Variants in DPH6 observed in about 807,000 individuals in gnomAD.
DPH6 encodes diphthamine biosynthesis 6, also known as diphthine--ammonia ligase.
DPH6 carries 33 observed loss-of-function variants against 38.2 expected under a neutral mutation model. The observed-to-expected ratio is 0.86, with a 90% CI of 0.65 to 1.15. DPH6 has a LOEUF of 1.15. Among genes scored for constraint, DPH6 ranks in the 50% most tolerant of loss-of-function variants. The pLI is 0.00. For missense variants in DPH6, 325 were observed against 320.0 expected, an observed-to-expected ratio of 1.02 and a Z score of -0.12; for synonymous variants, 108 against 103.0, an observed-to-expected ratio of 1.05 and a Z score of -0.30.
At chr15:35,447,197 C>G (rs1173710886) in intron 5 of DPH6, among the ~76,000 whole-genome samples, 1 of 152,146 alleles carries the variant, frequency 6.6e-6, no homozygotes, top group Non-Finnish European at 1.5e-5. Flanking sequence ...TTTCCCTTCT[C>G]TCCAGAAAAC....
intron 5 of DPH6, among the ~76,000 whole-genome samples, chr15:35,449,463 G>A (rs1378037472): frequency 2.0e-5 from 3 of 152,052 alleles, no homozygotes; most frequent in Non-Finnish European, 4.4e-5. Context: ...TCCTAATCCA[G>A]TCTTTTATCT....
chr15:35,310,762 TA>T (rs1388041863), intron 3 of DPH6, among the ~76,000 whole-genome samples: 1 of 151,956 alleles, frequency 6.6e-6, no homozygotes, highest in Admixed American at 6.6e-5. Context: ...GTTTAGATCA[TA>T]AATTGGCCGA....
At chr15:35,227,463 G>A (rs902378830) in intron 3 of DPH6, among the ~76,000 whole-genome samples, 3 of 151,996 alleles carry the variant, frequency 2.0e-5, no homozygotes, top group Non-Finnish European at 2.9e-5. Flanking sequence ...GATTACAGGT[G>A]TGAGCCACCG....
intron 3 of DPH6, among the ~76,000 whole-genome samples, chr15:35,318,544 T>C (rs975962911): frequency 6.6e-6 from 1 of 152,152 alleles, no homozygotes; most frequent in Non-Finnish European, 1.5e-5. Flanking sequence ...GTTTCCAAAA[T>C]TGATTGTGTG....
At chr15:35,298,630 A>G in intron 3 of DPH6, 4 of 1,018,190 alleles carry the variant, frequency 3.9e-6, no homozygotes, top group Non-Finnish European at 4.7e-6. Flanking sequence ...TGATCTTGCC[A>G]CCAAGCTTGC....
downstream of DPH6, among the ~76,000 whole-genome samples, chr15:35,367,684 T>A (rs2052672807): frequency 6.6e-6 from 1 of 151,800 alleles, no homozygotes; most frequent in South Asian, 2.1e-4. Context: ...TATAAATAAT[T>A]TAAAATTTTA....
intron 4 of DPH6, among the ~76,000 whole-genome samples, chr15:35,452,777 A>G (rs1270536347): frequency 6.6e-6 from 1 of 152,216 alleles, no homozygotes; most frequent in East Asian, 1.9e-4. Flanking sequence ...TAAAGTGTTT[A>G]ATAGATGTCA....
At chr15:35,259,354 C>T (rs758749019) in intron 3 of DPH6, among the ~76,000 whole-genome samples, 1 of 152,106 alleles carries the variant, frequency 6.6e-6, no homozygotes, top group Non-Finnish European at 1.5e-5. Context: ...GATTTTGCTA[C>T]AAGTATGACT....
chr15:35,343,996 C>T (rs1013606308), intron 3 of DPH6, among the ~76,000 whole-genome samples: 1 of 152,004 alleles, frequency 6.6e-6, no homozygotes, highest in Admixed American at 6.6e-5. Context: ...TCTAGGTTTT[C>T]TCTGGATAAG....
chr15:35,271,645 G>C (rs1362223845), intron 3 of DPH6, among the ~76,000 whole-genome samples: 1 of 152,188 alleles, frequency 6.6e-6, no homozygotes, highest in Non-Finnish European at 1.5e-5. Flanking sequence ...ACTATGCAGG[G>C]CAAAGCTGAC....
At position 35,241,683 on chromosome 15, in the gene DPH6, T is replaced by C. The variant is rs906882364; in HGVS notation, n.201-21101A>G. Among the ~76,000 whole-genome samples the C allele has an allele frequency of 9.9e-5, 14 of 141,878 alleles. 2 individuals carry two copies. The highest frequency in any genetic ancestry group is 3.8e-4 in the Admixed American group (5 of 13,016). The allele number at this position is 141,878 out of a possible 152,430, so 93.1% of individuals were successfully genotyped here. On this transcript the variant is annotated intron_variant and non_coding_transcript_variant, in intron 3 of 3. Coordinates refer to the DPH6 transcript ENST00000560386. ...TTAACCCACAAGTATAAGATACCTC[T>C]ACTCCCTCCTTGTCGACCGATCATG...
At chr15:35,422,248 G>T (rs928242860) in intron 5 of DPH6, among the ~76,000 whole-genome samples, 2 of 151,766 alleles carry the variant, frequency 1.3e-5, no homozygotes, top group African/African-American at 2.4e-5. Context: ...TATCTAATTA[G>T]ATTTTGGTAT....
At chr15:35,279,950 A>T (rs2140435108) in intron 3 of DPH6, among the ~76,000 whole-genome samples, 1 of 152,218 alleles carries the variant, frequency 6.6e-6, no homozygotes, top group African/African-American at 2.4e-5. Context: ...GAAGAGAATG[A>T]GGGAGTAATC....
At chr15:35,290,715 C>T (rs2051974612) in intron 3 of DPH6, among the ~76,000 whole-genome samples, 1 of 152,170 alleles carries the variant, frequency 6.6e-6, no homozygotes, top group Admixed American at 6.5e-5. Flanking sequence ...TTCCGTCCCC[C>T]TTTCTGCCAC....
At position 35,372,073 on chromosome 15, in the gene DPH6, C is replaced by A; in HGVS notation, c.*77G>T. The A allele has an allele frequency of 1.4e-6, 2 of 1,465,650 alleles. No homozygotes were observed. Among genetic ancestry groups the A allele is most frequent in the Admixed American group, 2.9e-5 (1 of 34,396 alleles). The allele number at this position is 1,465,650 out of a possible 1,614,324, so 90.8% of individuals were successfully genotyped here. A position where few individuals can be genotyped will look rare whatever the true frequency, so the allele number is the denominator to read the frequency against. ...AGTCATGAGAAAAAAATAAACTAGT[C>A]ATAGTAACTGAGAAAATACTATGCA... On this transcript the variant is annotated 3_prime_UTR_variant, in exon 9 of 9. Coordinates refer to ENST00000256538, the MANE Select transcript of DPH6 (RefSeq NM_080650.4).
chr15:35,329,221 G>C (rs1412109661), downstream of DPH6, among the ~76,000 whole-genome samples: 1 of 152,134 alleles, frequency 6.6e-6, no homozygotes, highest in Non-Finnish European at 1.5e-5. Context: ...ATGTGTATTA[G>C]CTATTATTAA....
intron 3 of DPH6, among the ~76,000 whole-genome samples, chr15:35,528,185 C>A (rs2055033681): frequency 1.3e-5 from 2 of 152,092 alleles, no homozygotes; most frequent in South Asian, 4.1e-4. Context: ...ACACTAGGTG[C>A]TTTTAAGAAA....
In DPH6 at chr15:35,242,989, A is replaced by G. The variant is rs1466407033; in HGVS notation, n.201-22407T>C. The stretch of plus-strand genomic sequence containing the variant: ...TGCTATCCTCAAACTGCCACTCTTA[A>G]CTCTTGAAGTAAATAAATAATCTTT... On this transcript the variant is annotated intron_variant and non_coding_transcript_variant, in intron 3 of 3. Transcript: ENST00000560386. Among the ~76,000 whole-genome samples, 11 of 141,740 alleles carry G rather than the reference A, an allele frequency of 7.8e-5. 1 individual carries two copies. The highest frequency in any genetic ancestry group is 1.5e-4 in the Non-Finnish European group (10 of 65,064). 93.0% of individuals were successfully genotyped at this position (141,740 alleles called of 152,430 possible). A position where few individuals can be genotyped will look rare whatever the true frequency, so the allele number is the denominator to read the frequency against.
rs534479712 is a variant in DPH6, at chr15:35,448,268, G to C, written c.505+2417C>G. 4.6e-5 allele frequency among the ~76,000 whole-genome samples: 7 copies of C among 152,188 alleles called. No homozygotes were observed. The South Asian group carries it at 1.5e-3, about 32-fold the overall frequency. On this transcript the variant is annotated intron_variant, in intron 5 of 8. Coordinates refer to ENST00000256538, the MANE Select transcript of DPH6 (RefSeq NM_080650.4). ...GTTCTTTCTTCTTTCTTTCCAGGAA[G>C]CCTACCCCAGTTACTGGAAAGAATG... is the stretch of plus-strand genomic sequence containing the variant.
Sources: allele counts gnomAD v4.1 joint callset (sites outside exome capture counted in the v4.1 genomes callset), GRCh38; gene constraint gnomAD v4.1.1; transcripts MANE v1.5; gene names NCBI Gene and HGNC (gene_info 2026-07-23, HGNC 2026-07-21).